The following NPTXR variants were observed in gnomAD, a reference collection of about 807,000 sequenced individuals.
The protein encoded by NPTXR is neuronal pentraxin receptor.
In NPTXR, 12 loss-of-function variants were observed where a neutral mutation model predicts 32.2. That is an observed-to-expected ratio of 0.37 (90% confidence interval 0.24 to 0.60). The LOEUF (loss-of-function observed/expected upper bound fraction) is 0.60, where lower values mean the gene tolerates loss of function less well. NPTXR is among the 20% of genes least tolerant of loss of function. The probability of loss-of-function intolerance (pLI) is 0.66; values close to 1 mark genes in which losing one functional copy is unlikely to be tolerated. For missense variants in NPTXR, 612 were observed against 682.9 expected, an observed-to-expected ratio of 0.90 and a Z score of 1.16; for synonymous variants, 323 against 315.8, an observed-to-expected ratio of 1.02 and a Z score of -0.24.
rs1435085871 is a variant in NPTXR, at chr22:38,822,850, G to A, written c.1279-17C>T. ...CAGGGTATCCTGGGCCAAGACAGCA[G>A]CAGAGAAAGGAGAGGCATGGAGTGA... On this transcript the variant is annotated splice_polypyrimidine_tract_variant and intron_variant, in intron 4 of 4. Transcript: ENST00000333039. The A allele has an allele frequency of 6.2e-7, 1 of 1,606,538 alleles. No individual in the cohort carries two copies. Among genetic ancestry groups the A allele is most frequent in the Non-Finnish European group, 8.5e-7 (1 of 1,174,278 alleles).
In NPTXR at chr22:38,823,852, A is replaced by C. The variant is rs141380424; in HGVS notation, c.1099-590T>G. ...AATCACGAGCCTCGATTTAGCTCAG[A>C]TCCCTCAGCACAGTGCTCTGGAAAG... is the stretch of plus-strand genomic sequence containing the variant. On this transcript the variant is annotated intron_variant, in intron 3 of 4. Coordinates refer to ENST00000333039, the MANE Select transcript of NPTXR (RefSeq NM_014293.4). 1.4e-3 allele frequency among the ~76,000 whole-genome samples: 207 copies of C among 152,330 alleles called. 1 individual carries two copies. Among genetic ancestry groups the C allele is most frequent in the African/African-American group, 4.8e-3 (200 of 41,580 alleles).
At chr22:38,828,612 C>A in intron 1 of NPTXR, 100 bp from the exon 2 acceptor site, 1 of 879,958 alleles carries the variant, frequency 1.1e-6, no homozygotes, top group South Asian at 1.7e-5. Context: ...CCCAGGGGAG[C>A]CTCAGCTTCC....
chr22:38,839,364 G>T (rs1382765565), intron 1 of NPTXR, among the ~76,000 whole-genome samples: 1 of 152,332 alleles, frequency 6.6e-6, no homozygotes, highest in South Asian at 2.1e-4. Context: ...GTCAATATTG[G>T]CCAGGCACAG....
chr22:38,838,922 C>A (rs2093128364), intron 1 of NPTXR, among the ~76,000 whole-genome samples: 1 of 152,152 alleles, frequency 6.6e-6, no homozygotes, highest in Non-Finnish European at 1.5e-5. Flanking sequence ...TGACGTCTGA[C>A]CCCTCCAGAT....
rs1036157574 is a variant in NPTXR, at chr22:38,843,939, G to A, written c.-81C>T. ...GGGGCGCGGAGCCCGGGCGCGCTGGGCCGAGCGGGGCAGGCGCGGGAGCCG... is the reference window on the plus strand; with the variant it reads ...GGGGCGCGGAGCCCGGGCGCGCTGGACCGAGCGGGGCAGGCGCGGGAGCCG... On this transcript the variant is annotated 5_prime_UTR_variant, in exon 1 of 5. Coordinates refer to ENST00000333039, the MANE Select transcript of NPTXR (RefSeq NM_014293.4). The surrounding 1 kb of genome is among the most constrained non-coding windows in gnomAD (Gnocchi z 5.3). 9 of 819,296 alleles carry A rather than the reference G, an allele frequency of 1.1e-5. No individual in the cohort carries two copies. In the South Asian group the frequency reaches 2.1e-4, roughly 19 times the overall value. 50.8% of individuals were successfully genotyped at this position (819,296 alleles called of 1,614,324 possible).
At chr22:38,832,051 G>A (rs1473496006) in intron 1 of NPTXR, among the ~76,000 whole-genome samples, 1 of 152,214 alleles carries the variant, frequency 6.6e-6, no homozygotes, top group Non-Finnish European at 1.5e-5. Context: ...CTGCCAGCAA[G>A]AACAGGGAGT....
At chr22:38,839,872 A>G (rs959529992) in intron 1 of NPTXR, among the ~76,000 whole-genome samples, 3 of 152,234 alleles carry the variant, frequency 2.0e-5, no homozygotes, top group African/African-American at 7.2e-5. Context: ...CTGCAGATGA[A>G]TCCCAGGATA....
chr22:38,826,896 G>T, intron 2 of NPTXR, 149 bp from the exon 3 acceptor site: 2 of 889,028 alleles, frequency 2.2e-6, no homozygotes, highest in South Asian at 1.8e-5. Flanking sequence ...CCACCTCTGT[G>T]TTGAGGGGTG....
chr22:38,834,895 C>T lies in NPTXR; in HGVS notation c.625-6383G>A, dbSNP rs887621706. Among the ~76,000 whole-genome samples, 5 of 152,194 alleles carry T rather than the reference C, an allele frequency of 3.3e-5. No individual in the cohort carries two copies. Among genetic ancestry groups the T allele is most frequent in the Non-Finnish European group, 7.3e-5 (5 of 68,038 alleles). ...GAGGCAGTACGTGGTTGTCACATTA[C>T]TATTATTCTTTGCTGTTATTGAGAG... On this transcript the variant is annotated intron_variant, in intron 1 of 4. Coordinates refer to ENST00000333039, the MANE Select transcript of NPTXR (RefSeq NM_014293.4). The surrounding 1 kb of genome is among the most constrained non-coding windows in gnomAD (Gnocchi z 4.4).
chr22:38,828,843 G>A (rs1239166470), intron 1 of NPTXR, among the ~76,000 whole-genome samples: 1 of 152,216 alleles, frequency 6.6e-6, no homozygotes, highest in Non-Finnish European at 1.5e-5. Context: ...GGGGCTGAAC[G>A]CCCCACCCTA....
At chr22:38,827,791 G>A (rs1218767798) in intron 2 of NPTXR, among the ~76,000 whole-genome samples, 1 of 152,210 alleles carries the variant, frequency 6.6e-6, no homozygotes, top group Non-Finnish European at 1.5e-5. Context: ...CCAGGAGCCA[G>A]GTCTCCTTAT....
rs561301073 is a variant in NPTXR, at chr22:38,830,885, C to T, written c.625-2373G>A. On this transcript the variant is annotated intron_variant, in intron 1 of 4. Coordinates refer to ENST00000333039, the MANE Select transcript of NPTXR (RefSeq NM_014293.4). ...GGGGACTCTGGCCACCATTATCCAC[C>T]CCCCCCACCTCTTGTGTAAGAGGTC... Among the ~76,000 whole-genome samples, 12 of 152,100 alleles carry T rather than the reference C, an allele frequency of 7.9e-5. No individual in the cohort carries two copies. The South Asian group carries it at 1.5e-3, about 18-fold the overall frequency.
intron 1 of NPTXR, among the ~76,000 whole-genome samples, chr22:38,830,787 G>A (rs2146194918): frequency 6.6e-6 from 1 of 152,262 alleles, no homozygotes; most frequent in Non-Finnish European, 1.5e-5. Flanking sequence ...CTGTAAGATG[G>A]GGCAACAGAC....
At chr22:38,827,256 CTTTCTTTTTTTTTT>C (rs142542375) in intron 2 of NPTXR, among the ~76,000 whole-genome samples, 33,332 of 143,300 alleles carry the variant, frequency 0.23, 4,147 homozygotes, top group African/African-American at 0.35. Flanking sequence ...TTCTTTTTTT[CTTTCTTTTTTTTTT>C]TTTTTTTGAG....
In NPTXR at chr22:38,820,280, G is replaced by C. The variant is rs1047876329; in HGVS notation, c.*2329C>G. ...TTTCTTCCAGTGGGATTGTACTGGA[G>C]GGGCTGGGCAATCTATTTATGTTCT... is the stretch of plus-strand genomic sequence containing the variant. On this transcript the variant is annotated 3_prime_UTR_variant, in exon 5 of 5. Coordinates refer to ENST00000333039, the MANE Select transcript of NPTXR (RefSeq NM_014293.4). 3 of 152,636 alleles carry C rather than the reference G, an allele frequency of 2.0e-5. No individual in the cohort carries two copies. Among genetic ancestry groups the C allele is most frequent in the African/African-American group, 7.2e-5 (3 of 41,442 alleles). The allele number at this position is 152,636 out of a possible 1,614,324, so 9.5% of individuals were successfully genotyped here.
intron 1 of NPTXR, among the ~76,000 whole-genome samples, chr22:38,836,210 G>A (rs1455518363): frequency 2.0e-5 from 3 of 152,108 alleles, no homozygotes; most frequent in Non-Finnish European, 4.4e-5. Context: ...GAAATGTTTG[G>A]CTGTACCTTC....
rs2093099263 is a variant in NPTXR, at chr22:38,822,488, G to T, written c.*121C>A. 1.2e-6 allele frequency: 1 copy of T among 819,860 alleles called. No homozygotes were observed. Among genetic ancestry groups the T allele is most frequent in the Non-Finnish European group, 2.0e-6 (1 of 504,506 alleles). 50.8% of individuals were successfully genotyped at this position (819,860 alleles called of 1,614,324 possible). A position where few individuals can be genotyped will look rare whatever the true frequency, so the allele number is the denominator to read the frequency against. ...TGGGTACAGGTGAGGGGAAATGGGA[G>T]GCACAGCCAGGAGTGGGGCAGGAGG... On this transcript the variant is annotated 3_prime_UTR_variant, in exon 5 of 5. Coordinates refer to ENST00000333039, the MANE Select transcript of NPTXR (RefSeq NM_014293.4).
chr22:38,823,217 T>A lies in NPTXR; in HGVS notation c.1144A>T (p.Ile382Phe). The change falls in exon 4 of 5, where the codon ATC becomes TTC. Residue 382 changes from isoleucine to phenylalanine, a missense_variant. Physicochemically the swap from Ile to Phe is conservative, Grantham distance 21 (BLOSUM62 0). Transcript: ENST00000333039. ...TCCCTTGTGGTCCAGGCGATGCAGA[T>A]GTGGTGCCAGCCATTGTCCTTCAGG... is the stretch of plus-strand genomic sequence containing the variant. 1.2e-6 allele frequency: 2 copies of A among 1,613,736 alleles called. No individual in the cohort carries two copies. The highest frequency in any genetic ancestry group is 2.2e-5 in the South Asian group (2 of 91,076).
intron 1 of NPTXR, among the ~76,000 whole-genome samples, chr22:38,829,099 C>G (rs1263735436): frequency 2.0e-5 from 3 of 152,218 alleles, no homozygotes; most frequent in Non-Finnish European, 1.5e-5. Flanking sequence ...GGTTCAAAAC[C>G]AGCTCGGTAA....
Sources: gnomAD v4.1 joint callset for allele counts (sites outside exome capture counted in the v4.1 genomes callset) on GRCh38, gnomAD v4.1.1 for gene constraint, Gnocchi (gnomAD v3.1) non-coding constraint, MANE v1.5 for transcripts, NCBI Gene and HGNC (gene_info 2026-07-23, HGNC 2026-07-21) for gene names.